The following GFM1 variants were observed in gnomAD, a reference collection of about 807,000 sequenced individuals.
GFM1 encodes the protein G elongation factor mitochondrial 1.
GFM1 carries 62 observed loss-of-function variants against 96.2 expected under a neutral mutation model. That is an observed-to-expected ratio of 0.64 (90% CI 0.53 to 0.80). The LOEUF (loss-of-function observed/expected upper bound fraction) is 0.80. GFM1 is among the 30% of genes least tolerant of loss of function. GFM1 has a pLI of 0.00. For missense variants in GFM1, 852 were observed against 916.6 expected (o/e 0.93, Z 0.91); for synonymous variants, 282 against 312.9 (o/e 0.90, Z 1.04).
At chr3:158,649,845 T>A in intron 5 of GFM1, 1 of 604,342 alleles carries the variant, frequency 1.7e-6, no homozygotes, top group Non-Finnish European at 3.0e-6. Context: ...TAGATTGGGG[T>A]GGGGCCCGTA....
chr3:158,646,492 T>C (rs1345861364), intron 3 of GFM1, among the ~76,000 whole-genome samples, 195 bp downstream of exon 3: 1 of 152,184 alleles, frequency 6.6e-6, no homozygotes, highest in Non-Finnish European at 1.5e-5. Flanking sequence ...TGCAAGTAAA[T>C]TGTGAGTAGG....
In GFM1 at chr3:158,694,250, T is replaced by TA. The variant is rs111669589; in HGVS notation, c.*2790dup. 2.0e-5 allele frequency among the ~76,000 whole-genome samples: 3 copies of TA among 151,926 alleles called. No homozygotes were observed. Among genetic ancestry groups the TA allele is most frequent in the East Asian group, 3.9e-4 (2 of 5,160 alleles). On this transcript the variant is annotated 3_prime_UTR_variant, in exon 18 of 18. Coordinates refer to ENST00000486715, the MANE Select transcript of GFM1 (RefSeq NM_024996.7). ...CACATTGTGGAATACTATGCAGCCA[T>TA]AAAAAAAGAATGAGATCAAGTCCTT...
intron 15 of GFM1, among the ~76,000 whole-genome samples, chr3:158,688,074 T>A (rs1726011115): frequency 6.6e-6 from 1 of 151,374 alleles, no homozygotes; most frequent in African/African-American, 2.5e-5. Context: ...TGTTATATCT[T>A]GTCAAAATTG....
In GFM1 at chr3:158,681,482, C is replaced by T. The variant is rs146592902; in HGVS notation, c.1602-513C>T. ...ATGTTAGTCTCTATCGTTTTGCCAC[C>T]GATCATTTTCAGATATTAATTATTT... On this transcript the variant is annotated intron_variant, in intron 13 of 17. Coordinates refer to ENST00000486715, the MANE Select transcript of GFM1 (RefSeq NM_024996.7). Among the ~76,000 whole-genome samples the T allele has an allele frequency of 6.6e-5, 10 of 152,242 alleles. 1 individual carries two copies. The highest frequency in any genetic ancestry group is 3.9e-4 in the East Asian group (2 of 5,186).
intron 9 of GFM1, 57 bp downstream of exon 9, chr3:158,659,116 C>A (rs753736044): frequency 1.3e-6 from 2 of 1,583,388 alleles, no homozygotes; most frequent in East Asian, 4.5e-5. Flanking sequence ...GAAATAGACC[C>A]TTCTTGGTAT....
intron 8 of GFM1, among the ~76,000 whole-genome samples, chr3:158,655,175 C>T (rs901519267): frequency 2.0e-5 from 3 of 152,080 alleles, no homozygotes; most frequent in East Asian, 3.9e-4. Flanking sequence ...CCCAGCCAGT[C>T]GCAGTGGTTC....
intron 15 of GFM1, among the ~76,000 whole-genome samples, chr3:158,686,726 T>C (rs1725889988): frequency 7.3e-6 from 1 of 136,818 alleles, no homozygotes; most frequent in South Asian, 2.5e-4. Flanking sequence ...TTGAGGTTTT[T>C]TTTTTTTTTT....
rs553181433 is a variant in GFM1, at chr3:158,654,436, A to C, written c.999-111A>C. Reference sequence around the variant, plus strand: ...AATTTTACTTATGTGTGACAGCAGTAATATCCCACACACGTGCTTTTTCTC... The same window carrying C: ...AATTTTACTTATGTGTGACAGCAGTCATATCCCACACACGTGCTTTTTCTC... On this transcript the variant is annotated intron_variant, in intron 7 of 17. Transcript: ENST00000486715. 7.2e-6 allele frequency: 5 copies of C among 691,154 alleles called. No homozygotes were observed. The African/African-American group carries it at 9.0e-5, about 12-fold the overall frequency. 42.8% of individuals were successfully genotyped at this position (691,154 alleles called of 1,614,324 possible).
chr3:158,658,497 TTG>T (rs1471322338), intron 8 of GFM1, among the ~76,000 whole-genome samples: 2 of 152,190 alleles, frequency 1.3e-5, no homozygotes, highest in Non-Finnish European at 2.9e-5. Context: ...TTCCACGTGA[TTG>T]TCAGAGATTG....
At chr3:158,666,807 G>C (rs1445738463) in intron 13 of GFM1, 44 of 1,515,426 alleles carry the variant, frequency 2.9e-5, no homozygotes, top group Non-Finnish European at 3.3e-5. Context: ...AACGTAGTTG[G>C]GTTTATGTTT....
chr3:158,688,877 A>G (rs1338081831), intron 15 of GFM1, among the ~76,000 whole-genome samples: 2 of 152,212 alleles, frequency 1.3e-5, no homozygotes, highest in Non-Finnish European at 2.9e-5. Flanking sequence ...TTCTAATTAC[A>G]TTCCTGTTGT....
intron 13 of GFM1, 102 bp from the exon 14 acceptor site, chr3:158,681,893 G>A: frequency 2.0e-6 from 2 of 1,012,710 alleles, no homozygotes; most frequent in South Asian, 2.9e-5. Flanking sequence ...ATATTCAAAT[G>A]AAAAAGTAAA....
chr3:158,688,634 C>T (rs1413616648), intron 15 of GFM1, among the ~76,000 whole-genome samples: 1 of 152,122 alleles, frequency 6.6e-6, no homozygotes, highest in African/African-American at 2.4e-5. Flanking sequence ...GCCAAGGAAG[C>T]TCTCCTGTTG....
In GFM1 at chr3:158,690,263, A is replaced by G. The variant is rs1283318792; in HGVS notation, c.2010A>G (p.Arg670=). ...GACAAGTAATTGCAGGAATTAACCGACGCCATGGGGTAATCACTGGGCAAG... is the reference window on the plus strand; with the variant it reads ...GACAAGTAATTGCAGGAATTAACCGGCGCCATGGGGTAATCACTGGGCAAG... ...FQGQVIAGIN[R]RHGVITGQDG... is the part of the protein sequence containing the mutation. Residue 670 remains arginine (R), a synonymous_variant, in exon 16 of 18, where the codon CGA becomes CGG. Coordinates refer to ENST00000486715, the MANE Select transcript of GFM1 (RefSeq NM_024996.7). 6.2e-7 allele frequency: 1 copy of G among 1,613,958 alleles called. No individual in the cohort carries two copies. The highest frequency in any genetic ancestry group is 1.7e-5 in the Admixed American group (1 of 60,014).
At chr3:158,646,983 G>T (rs1249175709) in intron 4 of GFM1, 36 bp downstream of exon 4, 1 of 1,487,372 alleles carries the variant, frequency 6.7e-7, no homozygotes, top group South Asian at 1.1e-5. Context: ...AGGATGTGAT[G>T]ATCTAGACAG....
rs899805393 is a variant in GFM1 at position 158,666,567 on chromosome 3, G to T, written c.1601+181G>T. 11 of 1,311,256 alleles carry T rather than the reference G, an allele frequency of 8.4e-6. No individual in the cohort carries two copies. In the African/African-American group the frequency reaches 1.6e-4, roughly 19 times the overall value. The allele number at this position is 1,311,256 out of a possible 1,614,324, so 81.2% of individuals were successfully genotyped here. ...ATAAAGTGACACTTTGGGATTATTT[G>T]GCCTCATAAGCTAGATGCCAGTGAA... On this transcript the variant is annotated intron_variant, in intron 13 of 17. Coordinates refer to ENST00000486715, the MANE Select transcript of GFM1 (RefSeq NM_024996.7).
At chr3:158,666,960 A>G in intron 13 of GFM1, 2 of 1,565,444 alleles carry the variant, frequency 1.3e-6, no homozygotes, top group African/African-American at 1.4e-5. Context: ...GTGGCTATAC[A>G]AGGAGTCTCA....
rs1008825084 is a variant in GFM1, at chr3:158,680,788, G to C, written c.1602-1207G>C. Among the ~76,000 whole-genome samples, 11 of 152,208 alleles carry C rather than the reference G, an allele frequency of 7.2e-5. 1 individual carries two copies. The highest frequency in any genetic ancestry group is 5.9e-4 in the Admixed American group (9 of 15,290). On this transcript the variant is annotated intron_variant, in intron 13 of 17. Coordinates refer to ENST00000486715, the MANE Select transcript of GFM1 (RefSeq NM_024996.7). Reference sequence around the variant, plus strand: ...TGGCACATAAGTATTCTGTTGTTTGGCACGCTCTCGATTATAAATTCAGAT... The same window carrying C: ...TGGCACATAAGTATTCTGTTGTTTGCCACGCTCTCGATTATAAATTCAGAT...
At chr3:158,686,471 G>A (rs1725861026) in intron 15 of GFM1, among the ~76,000 whole-genome samples, 1 of 149,332 alleles carries the variant, frequency 6.7e-6, no homozygotes, top group Non-Finnish European at 1.5e-5. Context: ...AAAATGGCAG[G>A]GTGAGTCAGG....
Sources: gnomAD v4.1 joint callset for allele counts (sites outside exome capture counted in the v4.1 genomes callset) on GRCh38, gnomAD v4.1.1 for gene constraint, MANE v1.5 for transcripts, NCBI Gene and HGNC (gene_info 2026-07-23, HGNC 2026-07-21) for gene names.